RPL35A: variants seen among roughly 807,000 people sequenced by gnomAD.
RPL35A encodes ribosomal protein L35a, also known as large ribosomal subunit protein eL33.
A neutral mutation model predicts 16.7 loss-of-function variants in RPL35A; 1 was observed. The observed-to-expected ratio is 0.06, with a 90% CI of 0.02 to 0.28. The LOEUF is 0.28. Ranked by LOEUF, RPL35A falls within the 10% of genes least tolerant of loss-of-function variation. The pLI, the probability that RPL35A is intolerant of heterozygous loss-of-function variation, is 1.00. For synonymous variants in RPL35A, 58 were observed against 47.0 expected (o/e 1.23, Z -0.96); for missense variants, 91 against 138.7 (o/e 0.66, Z 1.73).
chr3:197,954,174 C>T (rs368908329), intron 4 of RPL35A, 27 bp downstream of exon 4: 23 of 1,612,888 alleles, frequency 1.4e-5, no homozygotes, highest in African/African-American at 9.3e-5. Flanking sequence ...GCAAAATGGA[C>T]GTCTGATGAA....
intron 4 of RPL35A, 24 bp downstream of exon 4, chr3:197,954,171 G>A (rs1353529243): frequency 1.2e-6 from 2 of 1,613,588 alleles, no homozygotes; most frequent in Admixed American, 3.3e-5. Context: ...TTAGCAAAAT[G>A]GACGTCTGAT....
chr3:197,950,928 GT>G lies in RPL35A; in HGVS notation c.-32-4del, dbSNP rs1366133909. On this transcript the variant is annotated splice_region_variant and splice_polypyrimidine_tract_variant and intron_variant, in intron 1 of 4. Transcript: ENST00000647248. The stretch of plus-strand genomic sequence containing the variant: ...TGGTTTTAAACTAATCTTTTTGTTT[GT>G]TTTAAGGCCTGCTGGGAACGGGACT... The G allele has an allele frequency of 6.2e-7, 1 of 1,613,794 alleles. No individual in the cohort carries two copies. The highest frequency in any genetic ancestry group is 1.3e-5 in the African/African-American group (1 of 74,916).
chr3:197,955,735 CT>C lies in RPL35A; in HGVS notation c.310-9del. On this transcript the variant is annotated splice_polypyrimidine_tract_variant and intron_variant, in intron 4 of 4. Coordinates refer to ENST00000647248, the MANE Select transcript of RPL35A (RefSeq NM_000996.4). Reference sequence around the variant, plus strand: ...TAACATTCACCTAATGTTTTGTGTTCTTTTTTCCCTGCAGATGCTGTACCCC... The same window carrying C: ...TAACATTCACCTAATGTTTTGTGTTCTTTTTCCCTGCAGATGCTGTACCCC... 3 of 1,597,330 alleles carry C rather than the reference CT, an allele frequency of 1.9e-6. No individual in the cohort carries two copies. The highest frequency in any genetic ancestry group is 1.7e-5 in the Admixed American group (1 of 59,992).
rs905081149 is a variant in RPL35A, at chr3:197,950,855, C to T, written c.-32-81C>T. The T allele has an allele frequency of 1.3e-5, 17 of 1,335,660 alleles. No homozygotes were observed. In the Admixed American group the frequency reaches 2.9e-4, roughly 22 times the overall value. The allele number at this position is 1,335,660 out of a possible 1,614,324, so 82.7% of individuals were successfully genotyped here. On this transcript the variant is annotated intron_variant, in intron 1 of 4. Coordinates refer to ENST00000647248, the MANE Select transcript of RPL35A (RefSeq NM_000996.4). Reference sequence around the variant, plus strand: ...GAAACTCCCATCCAAAAGGAATTTGCTTTAGGGGCTTAAACGAGAGGGGAC... The same window carrying T: ...GAAACTCCCATCCAAAAGGAATTTGTTTTAGGGGCTTAAACGAGAGGGGAC...
At position 197,955,953 on chromosome 3, in the gene RPL35A, AT is replaced by A; in HGVS notation, c.*183del. Reference sequence around the variant, plus strand: ...TGAAAATTACAGGGCGAGTACAGAGATTTAGAAGGGAACGGGTTTTAATGCG... The same window carrying A: ...TGAAAATTACAGGGCGAGTACAGAGATTAGAAGGGAACGGGTTTTAATGCG... On this transcript the variant is annotated 3_prime_UTR_variant, in exon 5 of 5. Transcript: ENST00000647248. 1 of 620,530 alleles carries A rather than the reference AT, an allele frequency of 1.6e-6. No homozygotes were observed. The highest frequency in any genetic ancestry group is 2.9e-6 in the Non-Finnish European group (1 of 344,910). 38.4% of individuals were successfully genotyped at this position (620,530 alleles called of 1,614,324 possible).
At chr3:197,953,613 T>G (rs1399760415) in intron 3 of RPL35A, 1 of 458,530 alleles carries the variant, frequency 2.2e-6, no homozygotes, top group East Asian at 6.9e-5. Flanking sequence ...CCAGTCTTTG[T>G]TCCATGGTCA....
intron 3 of RPL35A, 41 bp downstream of exon 3, chr3:197,951,352 T>C: frequency 6.2e-7 from 1 of 1,602,566 alleles, no homozygotes; most frequent in Non-Finnish European, 8.5e-7. Context: ...TTTTGAGATC[T>C]GCCTCATTTT....
intron 4 of RPL35A, chr3:197,954,452 GCCC>G (rs1720373859): frequency 2.4e-6 from 1 of 422,622 alleles, no homozygotes. Context: ...TTCCACCTCA[GCCC>G]CCCAAGTAGC....
chr3:197,951,978 G>A (rs564583736), intron 3 of RPL35A, among the ~76,000 whole-genome samples: 1 of 152,132 alleles, frequency 6.6e-6, no homozygotes, highest in Non-Finnish European at 1.5e-5. Flanking sequence ...TTAGAAGGAC[G>A]TTACTTCTGA....
At chr3:197,950,377 G>A (rs1719954403) in intron 1 of RPL35A, 156 bp downstream of exon 1, 2 of 1,203,748 alleles carry the variant, frequency 1.7e-6, no homozygotes, top group Non-Finnish European at 2.1e-6. Flanking sequence ...GGAGATGTTG[G>A]GCTGATGGTG....
rs1346102805 is a variant in RPL35A, at chr3:197,954,071, A to G, written c.233A>G (p.His78Arg). The G allele has an allele frequency of 6.2e-7, 1 of 1,614,034 alleles. No individual in the cohort carries two copies. Among genetic ancestry groups the G allele is most frequent in the Non-Finnish European group, 8.5e-7 (1 of 1,180,036 alleles). Residue 78 changes from histidine (H) to arginine (R), a missense_variant, in exon 4 of 5, where the codon CAT becomes CGT. His to Arg is a conservative substitution (Grantham distance 29). Coordinates refer to ENST00000647248, the MANE Select transcript of RPL35A (RefSeq NM_000996.4). The stretch of plus-strand genomic sequence containing the variant: ...ATCTGGGGAAAAGTAACTCGGGCCC[A>G]TGGAAACAGTGGCATGGTTCGTGCC... ...RVIWGKVTRA[H>R]GNSGMVRAKF...
intron 1 of RPL35A, 117 bp from the exon 2 acceptor site, chr3:197,950,819 A>T: frequency 1.2e-6 from 1 of 847,380 alleles, no homozygotes; most frequent in Admixed American, 2.3e-5. Flanking sequence ...GTTGTCCCCG[A>T]ACTCCTACAT....
In RPL35A at chr3:197,955,903, A is replaced by C. The variant is rs1418869575; in HGVS notation, c.*130A>C. The C allele has an allele frequency of 1.3e-6, 1 of 787,422 alleles. No homozygotes were observed. The highest frequency in any genetic ancestry group is 2.2e-6 in the Non-Finnish European group (1 of 451,066). The allele number at this position is 787,422 out of a possible 1,614,324, so 48.8% of individuals were successfully genotyped here. A position where few individuals can be genotyped will look rare whatever the true frequency, so the allele number is the denominator to read the frequency against. ...AGAGGTTGCTCAGCATTTTTGGAGT[A>C]CAAGGGGGTCAGAGAGACATGTGAT... On this transcript the variant is annotated 3_prime_UTR_variant, in exon 5 of 5. Coordinates refer to ENST00000647248, the MANE Select transcript of RPL35A (RefSeq NM_000996.4).
At chr3:197,951,477 C>G (rs1167651776) in intron 3 of RPL35A, 166 bp downstream of exon 3, 4 of 712,376 alleles carry the variant, frequency 5.6e-6, no homozygotes, top group East Asian at 2.7e-5. Context: ...CTCAGCCTCC[C>G]GAGTAGCTGG....
intron 4 of RPL35A, 199 bp downstream of exon 4, chr3:197,954,346 TG>T: frequency 3.2e-6 from 2 of 628,412 alleles, no homozygotes; most frequent in Non-Finnish European, 2.8e-6. Context: ...GTTTTTTTTT[TG>T]GGGGGAGACA....
chr3:197,950,443 G>A (rs1202266760), intron 1 of RPL35A: 5 of 657,210 alleles, frequency 7.6e-6, no homozygotes, highest in Non-Finnish European at 8.2e-6. Flanking sequence ...TTAAATTCCT[G>A]GGCCTGAACG....
chr3:197,952,281 T>C (rs1404378213), intron 3 of RPL35A, among the ~76,000 whole-genome samples: 2 of 144,952 alleles, frequency 1.4e-5, no homozygotes, highest in African/African-American at 2.5e-5. Flanking sequence ...GGGATTCTCC[T>C]GCCTTAGCCT....
intron 3 of RPL35A, chr3:197,952,508 T>G (rs1200524162): frequency 1.3e-5 from 2 of 152,110 alleles, no homozygotes; most frequent in Non-Finnish European, 2.9e-5. Context: ...TTTCTTTCTT[T>G]TTTGAGACAG....
chr3:197,956,019 AGT>A lies in RPL35A; in HGVS notation c.*249_*250del. The stretch of plus-strand genomic sequence containing the variant: ...AGTCTTGCTCTGTTGCCCATGCTGG[AGT>A]GTAGTGGTGCTCGCTGCAGCCTCAC... On this transcript the variant is annotated 3_prime_UTR_variant, in exon 5 of 5. Coordinates refer to ENST00000647248, the MANE Select transcript of RPL35A (RefSeq NM_000996.4). 1 of 500,816 alleles carries A rather than the reference AGT, an allele frequency of 2.0e-6. No homozygotes were observed. Among genetic ancestry groups the A allele is most frequent in the Non-Finnish European group, 3.6e-6 (1 of 274,680 alleles). The allele number at this position is 500,816 out of a possible 1,614,324, so 31.0% of individuals were successfully genotyped here. A position where few individuals can be genotyped will look rare whatever the true frequency, so the allele number is the denominator to read the frequency against.
Sources: allele counts gnomAD v4.1 joint callset (sites outside exome capture counted in the v4.1 genomes callset), GRCh38; gene constraint gnomAD v4.1.1; transcripts MANE v1.5; gene names NCBI Gene and HGNC (gene_info 2026-07-23, HGNC 2026-07-21).